Variants in RUNX1T1 observed in about 807,000 individuals in gnomAD.
The protein encoded by RUNX1T1 is protein CBFA2T1.
RUNX1T1 carries 4 observed loss-of-function variants against 62.8 expected under a neutral mutation model. The ratio of observed to expected loss-of-function variants is 0.06; its 90% CI spans 0.03 to 0.15. The LOEUF (loss-of-function observed/expected upper bound fraction) is 0.15, where lower values mean the gene tolerates loss of function less well. RUNX1T1 is among the 10% of genes least tolerant of loss of function. The pLI is 1.00. For missense variants in RUNX1T1, 508 were observed against 754.3 expected, an observed-to-expected ratio of 0.67 and a Z score of 3.82; for synonymous variants, 291 against 286.0, an observed-to-expected ratio of 1.02 and a Z score of -0.18.
rs534916631 is a variant in RUNX1T1 at position 91,966,357 on chromosome 8, T to C, written c.1458+4301A>G. On this transcript the variant is annotated intron_variant, in intron 10 of 10. Coordinates refer to ENST00000396218, the Ensembl canonical transcript of RUNX1T1. ...CCAAACTTCACAGATTCCACTGAGGTTGGTATAACTGTGCAGCTCTGCACC... is the reference window on the plus strand; with the variant it reads ...CCAAACTTCACAGATTCCACTGAGGCTGGTATAACTGTGCAGCTCTGCACC... Among the ~76,000 whole-genome samples, 4 of 152,062 alleles carry C rather than the reference T, an allele frequency of 2.6e-5. No individual in the cohort carries two copies. In the East Asian group the frequency reaches 5.8e-4, roughly 22 times the overall value.
chr8:91,958,739 A>C (rs943678965), downstream of RUNX1T1: 12 of 180,958 alleles, frequency 6.6e-5, no homozygotes, highest in Middle Eastern at 2.0e-3. Flanking sequence ...AAAAAAAAAA[A>C]AAAAAAAACA....
intron 8 of RUNX1T1, among the ~76,000 whole-genome samples, chr8:91,976,600 G>A (rs995731714): frequency 2.0e-5 from 3 of 152,184 alleles, no homozygotes; most frequent in Admixed American, 6.5e-5. Flanking sequence ...ATGCTTTCCA[G>A]AAAAGGAAAT....
intron 1 of RUNX1T1, among the ~76,000 whole-genome samples, chr8:92,056,404 C>A (rs1831041699): frequency 6.6e-6 from 1 of 152,202 alleles, no homozygotes. Context: ...TTCCCAGTAT[C>A]ATGTTCTCAT....
intron 4 of RUNX1T1, chr8:92,005,872 T>A (rs1399874387): frequency 6.6e-6 from 1 of 152,282 alleles, no homozygotes; most frequent in Non-Finnish European, 1.5e-5. Flanking sequence ...AGTTAAGTAA[T>A]GGCCTGGGTA....
intron 1 of RUNX1T1, among the ~76,000 whole-genome samples, chr8:92,028,879 C>CA (rs1825740548): frequency 6.6e-6 from 1 of 151,800 alleles, no homozygotes. Flanking sequence ...AAAAAACAAA[C>CA]AAAAAACAAA....
upstream of RUNX1T1, among the ~76,000 whole-genome samples, chr8:92,100,453 C>T (rs1837983881): frequency 1.3e-5 from 2 of 152,058 alleles, no homozygotes; most frequent in African/African-American, 2.4e-5. Context: ...AAAAAGTTAA[C>T]CTCAGTATTA....
intron 5 of RUNX1T1, among the ~76,000 whole-genome samples, chr8:92,003,574 C>T (rs1308105359): frequency 1.3e-5 from 2 of 152,174 alleles, no homozygotes; most frequent in African/African-American, 2.4e-5. Flanking sequence ...AAATTTCCTT[C>T]TTCCAATTTT....
intron 1 of RUNX1T1, among the ~76,000 whole-genome samples, chr8:92,048,501 A>C (rs1829756019): frequency 6.6e-6 from 1 of 152,112 alleles, no homozygotes; most frequent in Admixed American, 6.5e-5. Flanking sequence ...CAACACAGTG[A>C]GACCCCATCT....
At chr8:92,064,591 G>C (rs2130645487), upstream of RUNX1T1, among the ~76,000 whole-genome samples, 1 of 152,068 alleles carries the variant, frequency 6.6e-6, no homozygotes, top group South Asian at 2.1e-4. Flanking sequence ...GAGTATTTTT[G>C]AAAAGCCACT....
upstream of RUNX1T1, among the ~76,000 whole-genome samples, chr8:92,065,949 C>G (rs1832814078): frequency 6.6e-6 from 1 of 152,130 alleles, no homozygotes; most frequent in South Asian, 2.1e-4. Flanking sequence ...ACTTTCCTAC[C>G]CCATCTGCTC....
chr8:92,041,718 G>A (rs1019652256), intron 1 of RUNX1T1, among the ~76,000 whole-genome samples: 3 of 151,970 alleles, frequency 2.0e-5, no homozygotes, highest in African/African-American at 7.2e-5. Context: ...CTCCAGCCTG[G>A]GTGACAGAGC....
chr8:91,988,627 G>A (rs1324248687), intron 6 of RUNX1T1, among the ~76,000 whole-genome samples: 1 of 152,020 alleles, frequency 6.6e-6, no homozygotes, highest in Non-Finnish European at 1.5e-5. Flanking sequence ...TTGCCTTTAA[G>A]GACAAGAATT....
At chr8:92,034,607 A>G (rs1826901037) in intron 1 of RUNX1T1, among the ~76,000 whole-genome samples, 1 of 151,126 alleles carries the variant, frequency 6.6e-6, no homozygotes, top group Non-Finnish European at 1.5e-5. Context: ...TATTCACAAC[A>G]GCAACACAAG....
At chr8:92,069,972 T>C (rs1421326651) in intron 2 of RUNX1T1, among the ~76,000 whole-genome samples, 1 of 152,224 alleles carries the variant, frequency 6.6e-6, no homozygotes, top group Admixed American at 6.5e-5. Context: ...GTTATATGTT[T>C]TCCCTTCACT....
chr8:92,069,907 TA>T (rs1833427490), intron 2 of RUNX1T1, among the ~76,000 whole-genome samples: 3 of 152,350 alleles, frequency 2.0e-5, no homozygotes, highest in African/African-American at 4.8e-5. Context: ...TTACCCATTA[TA>T]CCTAAATGTC....
chr8:92,015,333 C>T (rs1822780048), intron 2 of RUNX1T1, among the ~76,000 whole-genome samples: 3 of 152,168 alleles, frequency 2.0e-5, no homozygotes, highest in East Asian at 1.9e-4. Flanking sequence ...AACCTTCCAC[C>T]ACCCAATTAG....
chr8:92,004,885 A>G (rs1708713021), intron 5 of RUNX1T1: 1 of 428,330 alleles, frequency 2.3e-6, no homozygotes, highest in East Asian at 3.8e-5. Flanking sequence ...TCGCTTTAAT[A>G]CTACAAGCAG....
intron 1 of RUNX1T1, among the ~76,000 whole-genome samples, chr8:92,093,237 A>G (rs1319159159): frequency 6.6e-6 from 1 of 152,212 alleles, no homozygotes; most frequent in African/African-American, 2.4e-5. Flanking sequence ...ATTGTCATGT[A>G]TAAGTCATAG....
chr8:92,100,757 A>C (rs1837998123), upstream of RUNX1T1, among the ~76,000 whole-genome samples: 1 of 152,250 alleles, frequency 6.6e-6, no homozygotes, highest in Non-Finnish European at 1.5e-5. Flanking sequence ...TGAAAATCAT[A>C]ATATTACAAA....
Sources: gnomAD v4.1 joint callset for allele counts (sites outside exome capture counted in the v4.1 genomes callset) on GRCh38, gnomAD v4.1.1 for gene constraint, MANE v1.5 for transcripts, NCBI Gene and HGNC (gene_info 2026-07-23, HGNC 2026-07-21) for gene names.